The following PLXNA4 variants were observed in gnomAD, a reference collection of about 807,000 sequenced individuals.
PLXNA4 encodes plexin-A4.
Under a neutral mutation model 191.8 loss-of-function variants are expected in PLXNA4, and 44 were observed. That is an observed-to-expected ratio of 0.23 (90% CI 0.18 to 0.29). The LOEUF (loss-of-function observed/expected upper bound fraction) is 0.29, where lower values mean the gene tolerates loss of function less well. Ranked by LOEUF, PLXNA4 falls within the 10% of genes least tolerant of loss-of-function variation. The pLI, the probability that PLXNA4 is intolerant of heterozygous loss-of-function variation, is 1.00. For missense variants in PLXNA4, 1,800 were observed against 2,488.8 expected, an observed-to-expected ratio of 0.72 and a Z score of 5.89; for synonymous variants, 1,082 against 1,009.5, an observed-to-expected ratio of 1.07 and a Z score of -1.36.
intron 25 of PLXNA4, among the ~76,000 whole-genome samples, chr7:132,154,100 G>A (rs1795723461): frequency 6.6e-6 from 1 of 152,148 alleles, no homozygotes; most frequent in South Asian, 2.1e-4. Context: ...TTACCTTGGG[G>A]GCACTGTGAA....
intron 4 of PLXNA4, among the ~76,000 whole-genome samples, chr7:132,294,473 G>A (rs190443659): frequency 2.0e-5 from 3 of 152,248 alleles, no homozygotes; most frequent in African/African-American, 4.8e-5. Flanking sequence ...TTTAAACGGA[G>A]GAATGACACT....
intron 20 of PLXNA4, 80 bp downstream of exon 20, chr7:132,179,607 T>C: frequency 3.2e-6 from 5 of 1,544,844 alleles, no homozygotes; most frequent in Non-Finnish European, 4.4e-6. Flanking sequence ...AACATATGCA[T>C]ACACATACAC....
intron 3 of PLXNA4, among the ~76,000 whole-genome samples, chr7:132,319,841 T>C (rs1802094677): frequency 1.3e-5 from 2 of 152,354 alleles, no homozygotes; most frequent in Middle Eastern, 6.8e-3. Context: ...GGCAGTACCA[T>C]GCTTCCCCAC....
At chr7:132,489,042 G>C (rs1271752992) in intron 3 of PLXNA4, among the ~76,000 whole-genome samples, 1 of 152,156 alleles carries the variant, frequency 6.6e-6, no homozygotes, top group African/African-American at 2.4e-5. Context: ...TGCAAGGCTG[G>C]TCTGACACCT....
intron 14 of PLXNA4, among the ~76,000 whole-genome samples, chr7:132,188,167 G>A (rs1796941494): frequency 6.6e-6 from 1 of 152,142 alleles, no homozygotes; most frequent in African/African-American, 2.4e-5. Context: ...GCAATGGGAA[G>A]TGAGAGCCCC....
At chr7:132,391,122 G>C (rs1174121528) in intron 3 of PLXNA4, among the ~76,000 whole-genome samples, 1 of 152,180 alleles carries the variant, frequency 6.6e-6, no homozygotes, top group African/African-American at 2.4e-5. Context: ...GGAAAGGAGA[G>C]TCTGTGCCCA....
intron 1 of PLXNA4, among the ~76,000 whole-genome samples, chr7:132,547,751 A>C (rs1215181570): frequency 6.6e-6 from 1 of 152,168 alleles, no homozygotes; most frequent in Non-Finnish European, 1.5e-5. Flanking sequence ...CACCAGGAGA[A>C]TCAAATCAGG....
intron 3 of PLXNA4, among the ~76,000 whole-genome samples, chr7:132,320,981 A>C (rs558167286): frequency 2.0e-3 from 305 of 152,120 alleles, no homozygotes; most frequent in African/African-American, 7.3e-3. Context: ...TTGTTGCCCC[A>C]AATCTCCCTG....
intron 3 of PLXNA4, among the ~76,000 whole-genome samples, chr7:132,429,315 T>C (rs1404197355): frequency 6.6e-6 from 1 of 152,158 alleles, no homozygotes; most frequent in East Asian, 1.9e-4. Context: ...AGCTGGGAAA[T>C]TCTACCTTCT....
intron 3 of PLXNA4, among the ~76,000 whole-genome samples, chr7:132,403,699 C>T (rs569760765): frequency 2.3e-4 from 35 of 152,242 alleles, no homozygotes; most frequent in South Asian, 6.2e-4. Flanking sequence ...GAGGAATCTG[C>T]CTGCGGACTC....
intron 3 of PLXNA4, among the ~76,000 whole-genome samples, chr7:132,351,284 A>C (rs1278743420): frequency 6.6e-6 from 1 of 152,250 alleles, no homozygotes; most frequent in African/African-American, 2.4e-5. Flanking sequence ...GTACTCTTTA[A>C]ATAGGTGAAT....
intron 9 of PLXNA4, among the ~76,000 whole-genome samples, chr7:132,220,640 G>A (rs541025942): frequency 4.0e-5 from 6 of 151,528 alleles, no homozygotes; most frequent in Middle Eastern, 3.4e-3. Context: ...TCCTTTCTCC[G>A]GGGCCCTGGC....
intron 2 of PLXNA4, among the ~76,000 whole-genome samples, chr7:132,615,193 T>G (rs1420792294): frequency 6.6e-6 from 1 of 151,994 alleles, no homozygotes; most frequent in Non-Finnish European, 1.5e-5. Flanking sequence ...ATTCTAGGGC[T>G]TTGGTTACCG....
chr7:132,133,491 T>A (rs1051635950), intron 30 of PLXNA4, among the ~76,000 whole-genome samples: 3 of 152,064 alleles, frequency 2.0e-5, no homozygotes, highest in Non-Finnish European at 2.9e-5. Flanking sequence ...AACTCGGGCA[T>A]CCTCTTTGCT....
In PLXNA4 at chr7:132,508,121, C is replaced by T. The variant is rs267601296; in HGVS notation, c.573G>A (p.Gly191=). 6.2e-7 allele frequency: 1 copy of T among 1,614,208 alleles called. No individual in the cohort carries two copies. Among genetic ancestry groups the T allele is most frequent in the Non-Finnish European group, 8.5e-7 (1 of 1,180,042 alleles). ...AGATGGTGGGAAAATACTCGGGCTT[C>T]CCATCCACTGCCGTGGCAATGAACA... The part of the protein sequence containing the change: ...DKLFIATAVD[G]KPEYFPTISS... The change falls in exon 2 of 32, where the codon GGG becomes GGA. Residue 191 remains glycine, a synonymous_variant. Transcript: ENST00000321063. The surrounding 1 kb of genome is among the most constrained non-coding windows in gnomAD (Gnocchi z 4.4).
chr7:132,364,088 C>A (rs1178665203), intron 3 of PLXNA4, among the ~76,000 whole-genome samples: 1 of 152,202 alleles, frequency 6.6e-6, no homozygotes, highest in Non-Finnish European at 1.5e-5. Context: ...TCATCAGCAG[C>A]AATGTTTACC....
In PLXNA4 at chr7:132,125,736, G is replaced by GGT. The variant is rs1554445395; in HGVS notation, c.*4742_*4743insAC. ...CGAGGACCAGGAGGGATGGCGGGGGGGGATTTGGGGCATGGGGAGAAGCCA... is the reference window on the plus strand; with the variant it reads ...CGAGGACCAGGAGGGATGGCGGGGGGGTGGATTTGGGGCATGGGGAGAAGCCA... On this transcript the variant is annotated 3_prime_UTR_variant, in exon 32 of 32. Coordinates refer to ENST00000321063, the MANE Select transcript of PLXNA4 (RefSeq NM_020911.2). The GGT allele has an allele frequency of 6.6e-6, 1 of 152,174 alleles. No individual in the cohort carries two copies. Among genetic ancestry groups the GGT allele is most frequent in the African/African-American group, 2.4e-5 (1 of 41,412 alleles). The allele number at this position is 152,174 out of a possible 1,614,324, so 9.4% of individuals were successfully genotyped here. A position where few individuals can be genotyped will look rare whatever the true frequency, so the allele number is the denominator to read the frequency against.
intron 3 of PLXNA4, among the ~76,000 whole-genome samples, chr7:132,465,873 T>C (rs1796681401): frequency 6.6e-6 from 1 of 151,884 alleles, no homozygotes; most frequent in East Asian, 1.9e-4. Context: ...CCATCTGTGT[T>C]TTTCAAAACG....
At chr7:132,404,626 A>G (rs1794134783) in intron 3 of PLXNA4, among the ~76,000 whole-genome samples, 1 of 152,196 alleles carries the variant, frequency 6.6e-6, no homozygotes, top group Admixed American at 6.5e-5. Flanking sequence ...CCCAAGTAAG[A>G]CTGCTTGATT....
Sources: allele counts gnomAD v4.1 joint callset (sites outside exome capture counted in the v4.1 genomes callset), GRCh38; gene constraint gnomAD v4.1.1; non-coding constraint Gnocchi (gnomAD v3.1); transcripts MANE v1.5; gene names NCBI Gene and HGNC (gene_info 2026-07-23, HGNC 2026-07-21).